The following DNAJC24 variants were observed in gnomAD, a reference collection of about 807,000 sequenced individuals.
The protein encoded by DNAJC24 is dnaJ homolog subfamily C member 24.
Under a neutral mutation model 18.0 loss-of-function variants are expected in DNAJC24, and 17 were observed. That is an observed-to-expected ratio of 0.94 (90% confidence interval 0.65 to 1.42). The LOEUF (loss-of-function observed/expected upper bound fraction) is 1.42, where lower values mean the gene tolerates loss of function less well. Among genes scored for constraint, DNAJC24 ranks in the 40% most tolerant of loss-of-function variants. DNAJC24 has a pLI of 0.00. For synonymous variants in DNAJC24, 55 were observed against 57.7 expected (o/e 0.95, Z 0.21); for missense variants, 158 against 175.6 (o/e 0.90, Z 0.57).
chr11:31,388,243 T>C (rs1027279579), intron 2 of DNAJC24, among the ~76,000 whole-genome samples: 2 of 152,050 alleles, frequency 1.3e-5, no homozygotes, highest in African/African-American at 4.8e-5. Flanking sequence ...GAGGAAGATA[T>C]CAATATTCAA....
At chr11:31,416,668 T>G (rs1316223873) in intron 3 of DNAJC24, 4 of 152,086 alleles carry the variant, frequency 2.6e-5, no homozygotes. Context: ...ACTAGAAGCC[T>G]GCTCTCTAAA....
At chr11:31,377,645 G>T (rs961026072) in intron 2 of DNAJC24, among the ~76,000 whole-genome samples, 2 of 152,034 alleles carry the variant, frequency 1.3e-5, no homozygotes, top group Non-Finnish European at 2.9e-5. Context: ...GGTCCAGAAT[G>T]ATTAGTTATG....
At chr11:31,403,844 C>T (rs1185769433) in intron 2 of DNAJC24, among the ~76,000 whole-genome samples, 1 of 152,152 alleles carries the variant, frequency 6.6e-6, no homozygotes, top group Non-Finnish European at 1.5e-5. Context: ...GCAAGAAAGA[C>T]TTCAGGGTGA....
chr11:31,379,860 C>T (rs1351804867), intron 2 of DNAJC24, among the ~76,000 whole-genome samples: 2 of 151,936 alleles, frequency 1.3e-5, no homozygotes, highest in African/African-American at 4.8e-5. Flanking sequence ...CAGGTTCAAG[C>T]GATTCTCCTC....
intron 2 of DNAJC24, among the ~76,000 whole-genome samples, chr11:31,381,599 G>T (rs1952377445): frequency 6.7e-6 from 1 of 149,782 alleles, no homozygotes; most frequent in South Asian, 2.1e-4. Context: ...TTTTGAGATG[G>T]AGTCTTGCTC....
At chr11:31,391,801 C>T (rs1185230561) in intron 2 of DNAJC24, among the ~76,000 whole-genome samples, 1 of 152,160 alleles carries the variant, frequency 6.6e-6, no homozygotes, top group Non-Finnish European at 1.5e-5. Context: ...TATCTGCACT[C>T]CCATGTTTAT....
rs748971917 is a variant in DNAJC24 at position 31,370,831 on chromosome 11, A to C, written c.83A>C (p.Lys28Thr). Reference sequence around the variant, plus strand: ...CCATCTGCAAATATATCAGACCTAAAACAAAAATATCAAAAACTCATATTA... The same window carrying C: ...CCATCTGCAAATATATCAGACCTAACACAAAAATATCAAAAACTCATATTA... ...ADPSANISDL[K>T]QKYQKLILMY... is the part of the protein sequence containing the mutation. Residue 28 changes from lysine to threonine, a missense_variant, in exon 2 of 5, where the codon AAA becomes ACA. Transcript: ENST00000465995. 1 of 1,609,752 alleles carries C rather than the reference A, an allele frequency of 6.2e-7. No homozygotes were observed. The highest frequency in any genetic ancestry group is 2.2e-5 in the East Asian group (1 of 44,744).
intron 2 of DNAJC24, among the ~76,000 whole-genome samples, chr11:31,405,070 T>C (rs1265515587): frequency 1.6e-5 from 2 of 126,536 alleles, no homozygotes; most frequent in Non-Finnish European, 3.4e-5. Flanking sequence ...GGAATTCTTT[T>C]TTTTGTTTTT....
chr11:31,414,431 G>A (rs939417463), intron 2 of DNAJC24, among the ~76,000 whole-genome samples: 6 of 152,160 alleles, frequency 3.9e-5, no homozygotes, highest in African/African-American at 1.4e-4. Flanking sequence ...ATTGTGTAAG[G>A]AAAGCTTCAT....
rs542340 is a variant in DNAJC24 at position 31,387,891 on chromosome 11, A to G, written c.111+17032A>G. Among the ~76,000 whole-genome samples the G allele has an allele frequency of 5.1e-3, 782 of 152,286 alleles. 6 individuals carry two copies. The highest frequency in any genetic ancestry group is 0.018 in the African/African-American group (750 of 41,554). ...AGAGAAGCCTTTCAAAATCCTATCA[A>G]ATAAATTTAACAGAAAGATGGAAAT... On this transcript the variant is annotated intron_variant, in intron 2 of 4. Coordinates refer to ENST00000465995, the MANE Select transcript of DNAJC24 (RefSeq NM_181706.5).
chr11:31,392,045 A>G (rs1952501692), intron 2 of DNAJC24, among the ~76,000 whole-genome samples: 1 of 152,210 alleles, frequency 6.6e-6, no homozygotes, highest in South Asian at 2.1e-4. Flanking sequence ...AACTAAAATT[A>G]AAACAATTGA....
rs1384086836 is a variant in DNAJC24, at chr11:31,403,179, G to T, written c.112-11632G>T. Among the ~76,000 whole-genome samples the T allele has an allele frequency of 5.3e-5, 8 of 149,886 alleles. No homozygotes were observed. In the East Asian group the frequency reaches 1.6e-3, roughly 30 times the overall value. ...TGTGTGTATCATTCTTCTTCATGAAGAAAAATGTTGGGGAATGCTCTTCTA... is the reference window on the plus strand; with the variant it reads ...TGTGTGTATCATTCTTCTTCATGAATAAAAATGTTGGGGAATGCTCTTCTA... On this transcript the variant is annotated intron_variant, in intron 2 of 4. Transcript: ENST00000465995.
chr11:31,412,213 G>A (rs1468208492), intron 2 of DNAJC24, among the ~76,000 whole-genome samples: 1 of 152,160 alleles, frequency 6.6e-6, no homozygotes, highest in South Asian at 2.1e-4. Context: ...AGGGCTTTCT[G>A]GGTCAGATTG....
At chr11:31,399,047 C>T (rs1006731342) in intron 2 of DNAJC24, among the ~76,000 whole-genome samples, 1 of 152,104 alleles carries the variant, frequency 6.6e-6, no homozygotes, top group African/African-American at 2.4e-5. Flanking sequence ...AATATATCAT[C>T]AAAGACTTAT....
Position 31,399,664 on chromosome 11 carries a change from G to A in DNAJC24, c.112-15147G>A, listed in dbSNP as rs554822349. Among the ~76,000 whole-genome samples, 17 of 149,682 alleles carry A rather than the reference G, an allele frequency of 1.1e-4. No homozygotes were observed. The South Asian group carries it at 1.5e-3, about 13-fold the overall frequency. On this transcript the variant is annotated intron_variant, in intron 2 of 4. Coordinates refer to ENST00000465995, the MANE Select transcript of DNAJC24 (RefSeq NM_181706.5). ...CCTGACCTCGTGATCTGCCCGCCTC[G>A]GCCTCCCAAAGTGCTGGGGTTACAG...
At position 31,431,122 on chromosome 11, in the gene DNAJC24, T is replaced by G. The variant is rs1952918966; in HGVS notation, c.*721T>G. 6.6e-6 allele frequency: 1 copy of G among 152,110 alleles called. No individual in the cohort carries two copies. Among genetic ancestry groups the G allele is most frequent in the Non-Finnish European group, 1.5e-5 (1 of 68,086 alleles). 9.4% of individuals were successfully genotyped at this position (152,110 alleles called of 1,614,324 possible). A position where few individuals can be genotyped will look rare whatever the true frequency, so the allele number is the denominator to read the frequency against. On this transcript the variant is annotated 3_prime_UTR_variant, in exon 5 of 5. Coordinates refer to ENST00000465995, the MANE Select transcript of DNAJC24 (RefSeq NM_181706.5). The stretch of plus-strand genomic sequence containing the variant: ...GTAACCTCCGTCTCCTGGGTTCAAG[T>G]GATTCTCCAGCCTCAGCCTCCCGAA...
intron 2 of DNAJC24, chr11:31,408,442 G>A: frequency 3.9e-6 from 1 of 255,988 alleles, no homozygotes; most frequent in South Asian, 4.3e-5. Context: ...CAGTCACTCT[G>A]GAATTAGTAA....
At chr11:31,393,357 G>A (rs1412996798) in intron 2 of DNAJC24, among the ~76,000 whole-genome samples, 1 of 152,174 alleles carries the variant, frequency 6.6e-6, no homozygotes, top group African/African-American at 2.4e-5. Context: ...CAATAGAGAA[G>A]AGACCAAGAG....
intron 2 of DNAJC24, among the ~76,000 whole-genome samples, chr11:31,378,775 G>A (rs1186807211): frequency 6.6e-6 from 1 of 152,138 alleles, no homozygotes; most frequent in Non-Finnish European, 1.5e-5. Context: ...GCTCTAGAGG[G>A]AGGGAAGGAA....
Sources: gnomAD v4.1 joint callset for allele counts (sites outside exome capture counted in the v4.1 genomes callset) on GRCh38, gnomAD v4.1.1 for gene constraint, MANE v1.5 for transcripts, NCBI Gene and HGNC (gene_info 2026-07-23, HGNC 2026-07-21) for gene names.